Variants in SUSD6 observed in about 807,000 individuals in gnomAD.
SUSD6 encodes sushi domain containing 6, also known as sushi domain-containing protein 6.
In SUSD6, 16 loss-of-function variants were observed where a neutral mutation model predicts 28.4. The observed-to-expected ratio is 0.56, with a 90% confidence interval of 0.38 to 0.86. SUSD6 has a LOEUF of 0.86. Ranked by LOEUF, SUSD6 falls within the 40% of genes least tolerant of loss-of-function variation. SUSD6 has a pLI of 0.00. For synonymous variants in SUSD6, 147 were observed against 159.6 expected, an observed-to-expected ratio of 0.92 and a Z score of 0.59; for missense variants, 341 against 384.2, an observed-to-expected ratio of 0.89 and a Z score of 0.94.
At chr14:69,650,720 C>A (rs1323221968) in intron 1 of SUSD6, among the ~76,000 whole-genome samples, 1 of 152,058 alleles carries the variant, frequency 6.6e-6, no homozygotes, top group Non-Finnish European at 1.5e-5. Flanking sequence ...CTCCCTGGGC[C>A]CCTGTATCTC....
intron 2 of SUSD6, among the ~76,000 whole-genome samples, chr14:69,697,174 C>T (rs1174992419): frequency 1.3e-5 from 2 of 152,114 alleles, no homozygotes; most frequent in African/African-American, 4.8e-5. Flanking sequence ...TTTTAGCATG[C>T]TACTGCATTA....
In SUSD6 at chr14:69,656,212, C is replaced by A. The variant is rs1442572050; in HGVS notation, c.-80-2301C>A. On this transcript the variant is annotated intron_variant, in intron 1 of 5. Transcript: ENST00000342745. Reference sequence around the variant, plus strand: ...TCCCTCCCTCCCTCCCTCTCACATCCTTTAGGACTCAGCATCACCTCCTCT... The same window carrying A: ...TCCCTCCCTCCCTCCCTCTCACATCATTTAGGACTCAGCATCACCTCCTCT... Among the ~76,000 whole-genome samples, 3 of 149,490 alleles carry A rather than the reference C, an allele frequency of 2.0e-5. 1 individual carries two copies. The highest frequency in any genetic ancestry group is 4.4e-4 in the South Asian group (2 of 4,528).
At chr14:69,661,746 A>T (rs1335299506) in intron 2 of SUSD6, among the ~76,000 whole-genome samples, 1 of 152,202 alleles carries the variant, frequency 6.6e-6, no homozygotes, top group Non-Finnish European at 1.5e-5. Flanking sequence ...TCTGAAGCCG[A>T]GGAAAGGCAG....
intron 2 of SUSD6, among the ~76,000 whole-genome samples, chr14:69,701,028 G>T (rs75800250): frequency 0.04 from 6,084 of 152,174 alleles, 436 homozygotes; most frequent in African/African-American, 0.14. Flanking sequence ...TAAAGAGAAT[G>T]ATTTTTTAAA....
At chr14:69,612,747 C>T (rs889935227) in intron 1 of SUSD6, among the ~76,000 whole-genome samples, 4 of 152,148 alleles carry the variant, frequency 2.6e-5, no homozygotes, top group African/African-American at 7.2e-5. Context: ...TTGTTGCTCT[C>T]GCTAACTGGG....
intron 1 of SUSD6, among the ~76,000 whole-genome samples, chr14:69,651,010 G>A (rs960811117): frequency 2.6e-5 from 4 of 152,148 alleles, no homozygotes; most frequent in Admixed American, 1.3e-4. Flanking sequence ...AGCCTGTGTT[G>A]ACTTACTTTT....
intron 1 of SUSD6, among the ~76,000 whole-genome samples, chr14:69,624,448 T>TA (rs1333226269): frequency 1.3e-5 from 2 of 151,896 alleles, no homozygotes; most frequent in Non-Finnish European, 2.9e-5. Flanking sequence ...CTTTGATACT[T>TA]AGTTGTTTTT....
intron 1 of SUSD6, among the ~76,000 whole-genome samples, chr14:69,648,021 G>C (rs10138453): frequency 0.04 from 6,099 of 152,188 alleles, 435 homozygotes; most frequent in African/African-American, 0.14. Flanking sequence ...TTTGGAACCA[G>C]AGAAGCTCTT....
intron 1 of SUSD6, among the ~76,000 whole-genome samples, chr14:69,637,129 A>T (rs989284246): frequency 1.3e-5 from 2 of 151,934 alleles, no homozygotes; most frequent in Admixed American, 6.6e-5. Context: ...CAGCTTTTTG[A>T]TGTGTTTCTT....
At chr14:69,702,739 C>T (rs1566607554) in intron 2 of SUSD6, among the ~76,000 whole-genome samples, 1 of 152,168 alleles carries the variant, frequency 6.6e-6, no homozygotes, top group Non-Finnish European at 1.5e-5. Context: ...AGGAGAGTAA[C>T]GATAGCTGTC....
intron 1 of SUSD6, among the ~76,000 whole-genome samples, chr14:69,628,151 T>C (rs1298271210): frequency 6.6e-6 from 1 of 152,098 alleles, no homozygotes; most frequent in Non-Finnish European, 1.5e-5. Context: ...CAGGCTGGTC[T>C]GGAACTCCTG....
At position 69,639,329 on chromosome 14, in the gene SUSD6, A is replaced by G. The variant is rs868544181; in HGVS notation, c.-80-19184A>G. On this transcript the variant is annotated intron_variant, in intron 1 of 5. Coordinates refer to ENST00000342745, the MANE Select transcript of SUSD6 (RefSeq NM_014734.4). ...ACTCCGTCTCAAAAAAAAAAAAAAA[A>G]AAAAAAAAAAGAAATAAGGCCAAAC... Among the ~76,000 whole-genome samples, 1,142 of 151,082 alleles carry G rather than the reference A, an allele frequency of 7.6e-3. 15 individuals carry two copies. The highest frequency in any genetic ancestry group is 0.026 in the African/African-American group (1,087 of 41,128).
intron 1 of SUSD6, among the ~76,000 whole-genome samples, chr14:69,653,732 G>T (rs1397127423): frequency 3.0e-5 from 4 of 135,034 alleles, no homozygotes; most frequent in Non-Finnish European, 6.2e-5. Context: ...TAGGGATAAT[G>T]AATACCTAGT....
chr14:69,640,721 G>A (rs1354923906), intron 1 of SUSD6, among the ~76,000 whole-genome samples: 1 of 152,198 alleles, frequency 6.6e-6, no homozygotes, highest in African/African-American at 2.4e-5. Flanking sequence ...AGAGAGACCA[G>A]CTCAAGCCTG....
At chr14:69,703,959 C>T (rs967824909) in intron 3 of SUSD6, among the ~76,000 whole-genome samples, 2 of 152,198 alleles carry the variant, frequency 1.3e-5, no homozygotes, top group Non-Finnish European at 2.9e-5. Flanking sequence ...AATGGAGCTA[C>T]AGACCAGCTG....
intron 2 of SUSD6, among the ~76,000 whole-genome samples, chr14:69,699,217 T>G (rs999157501): frequency 8.5e-5 from 13 of 152,210 alleles, no homozygotes; most frequent in Non-Finnish European, 1.9e-4. Context: ...TTTCTTTTCT[T>G]TTTTTAAACA....
chr14:69,700,098 C>G (rs1249661516), intron 2 of SUSD6, among the ~76,000 whole-genome samples: 2 of 152,224 alleles, frequency 1.3e-5, no homozygotes, highest in Non-Finnish European at 2.9e-5. Flanking sequence ...CACCTGGCTT[C>G]CAGGTGGCCC....
intron 1 of SUSD6, among the ~76,000 whole-genome samples, chr14:69,650,031 G>A (rs1169698917): frequency 6.6e-6 from 1 of 152,178 alleles, no homozygotes; most frequent in Non-Finnish European, 1.5e-5. Context: ...ACAAACAATA[G>A]CTGTTTAATT....
At chr14:69,685,456 G>T (rs1886059519) in intron 2 of SUSD6, among the ~76,000 whole-genome samples, 1 of 152,174 alleles carries the variant, frequency 6.6e-6, no homozygotes, top group Non-Finnish European at 1.5e-5. Context: ...GGAAACCCAG[G>T]ATGAGCTGTC....
Sources: allele counts gnomAD v4.1 joint callset (sites outside exome capture counted in the v4.1 genomes callset), GRCh38; gene constraint gnomAD v4.1.1; transcripts MANE v1.5; gene names NCBI Gene and HGNC (gene_info 2026-07-23, HGNC 2026-07-21).